Variants in NAV2 observed in about 807,000 individuals in gnomAD.
NAV2 encodes the protein helicase, APC down-regulated 1.
In NAV2, 54 loss-of-function variants were observed where a neutral mutation model predicts 223.2. The ratio of observed to expected loss-of-function variants is 0.24; its 90% CI spans 0.19 to 0.30. The LOEUF is 0.30. Ranked by LOEUF, NAV2 falls within the 10% of genes least tolerant of loss-of-function variation. NAV2 has a pLI of 1.00. For synonymous variants in NAV2, 1,279 were observed against 1,239.3 expected (o/e 1.03, Z -0.67); for missense variants, 2,806 against 3,147.5 (o/e 0.89, Z 2.60).
intron 1 of NAV2, among the ~76,000 whole-genome samples, chr11:19,405,202 T>G (rs747459893): frequency 6.6e-6 from 1 of 152,192 alleles, no homozygotes; most frequent in Non-Finnish European, 1.5e-5. Flanking sequence ...ACCAGGCATA[T>G]GCTCTGCCAA....
At chr11:19,549,750 T>G (rs2044628860) in intron 1 of NAV2, among the ~76,000 whole-genome samples, 1 of 152,196 alleles carries the variant, frequency 6.6e-6, no homozygotes, top group Admixed American at 6.5e-5. Context: ...TGATACAGCG[T>G]AGAGGCCCCA....
intron 1 of NAV2, among the ~76,000 whole-genome samples, chr11:19,390,258 G>C (rs1041194716): frequency 6.6e-6 from 1 of 152,028 alleles, no homozygotes; most frequent in African/African-American, 2.4e-5. Flanking sequence ...CCTCTCTGTG[G>C]CCTTTCATGA....
intron 1 of NAV2, among the ~76,000 whole-genome samples, chr11:19,500,432 A>C (rs2042929195): frequency 6.6e-6 from 1 of 152,224 alleles, no homozygotes; most frequent in African/African-American, 2.4e-5. Flanking sequence ...GTGTGGCAAT[A>C]AAAAGCTGAT....
chr11:20,085,857 T>C (rs2060404104), intron 26 of NAV2, among the ~76,000 whole-genome samples: 1 of 152,116 alleles, frequency 6.6e-6, no homozygotes, highest in Non-Finnish European at 1.5e-5. Flanking sequence ...TGTCGCCTCT[T>C]CCCACAGTCC....
chr11:20,040,483 C>A (rs1203685399), intron 12 of NAV2, among the ~76,000 whole-genome samples: 1 of 152,198 alleles, frequency 6.6e-6, no homozygotes. Flanking sequence ...AGGGCAATGT[C>A]TTCCAAGGTC....
chr11:19,662,534 T>G (rs2048313171), intron 1 of NAV2, among the ~76,000 whole-genome samples: 1 of 152,172 alleles, frequency 6.6e-6, no homozygotes. Flanking sequence ...TCCATGTGGG[T>G]CCCATGCCCC....
chr11:19,593,743 G>A (rs1275767197), intron 1 of NAV2, among the ~76,000 whole-genome samples: 1 of 54,812 alleles, frequency 1.8e-5, no homozygotes, highest in African/African-American at 5.7e-5. Context: ...GCTCTAAAAG[G>A]TATGTAGTGA....
intron 3 of NAV2, among the ~76,000 whole-genome samples, chr11:19,864,622 A>G (rs951651710): frequency 6.6e-6 from 1 of 152,222 alleles, no homozygotes; most frequent in African/African-American, 2.4e-5. Context: ...TATGGGAGAC[A>G]AAGGCTGCAA....
At chr11:20,098,046 G>A (rs752876348) in intron 31 of NAV2, among the ~76,000 whole-genome samples, 1 of 152,146 alleles carries the variant, frequency 6.6e-6, no homozygotes, top group Non-Finnish European at 1.5e-5. Flanking sequence ...TAATACTGAT[G>A]AATTACTCTT....
intron 3 of NAV2, among the ~76,000 whole-genome samples, chr11:19,848,346 C>T (rs1211453698): frequency 6.6e-6 from 1 of 152,214 alleles, no homozygotes; most frequent in Non-Finnish European, 1.5e-5. Flanking sequence ...CATAGCTGCC[C>T]CTTGCAGGAG....
At chr11:19,601,213 G>T (rs1033077574) in intron 1 of NAV2, among the ~76,000 whole-genome samples, 1 of 152,178 alleles carries the variant, frequency 6.6e-6, no homozygotes, top group Admixed American at 6.5e-5. Context: ...TCTGCTCAAA[G>T]TCAGGCCCTA....
At chr11:20,036,209 G>C (rs1013256852) in intron 12 of NAV2, 112 bp downstream of exon 12, 16 of 1,274,608 alleles carry the variant, frequency 1.3e-5, no homozygotes, top group Non-Finnish European at 1.7e-5. Flanking sequence ...AGGTTGATGA[G>C]ATGAGGCCCA....
At chr11:19,773,420 C>T (rs2055879850) in intron 1 of NAV2, among the ~76,000 whole-genome samples, 1 of 152,134 alleles carries the variant, frequency 6.6e-6, no homozygotes, top group South Asian at 2.1e-4. Flanking sequence ...AATGGTCATG[C>T]TCAGGGAGAT....
intron 1 of NAV2, among the ~76,000 whole-genome samples, chr11:19,731,560 G>T (rs943686016): frequency 2.0e-5 from 3 of 152,196 alleles, no homozygotes; most frequent in South Asian, 4.1e-4. Context: ...AGGGGTTGTT[G>T]GGGGGATAGT....
chr11:19,778,047 G>T, intron 1 of NAV2: 1 of 450,132 alleles, frequency 2.2e-6, no homozygotes, highest in South Asian at 1.6e-5. Flanking sequence ...TTTCAAGCTT[G>T]CAAAGAACCA....
At chr11:19,403,048 G>A (rs1849753123) in intron 1 of NAV2, among the ~76,000 whole-genome samples, 1 of 152,158 alleles carries the variant, frequency 6.6e-6, no homozygotes, top group Non-Finnish European at 1.5e-5. Context: ...GTGTGAATTT[G>A]GGGCAACTTA....
At chr11:20,109,709 C>A (rs1254798045) in intron 36 of NAV2, among the ~76,000 whole-genome samples, 1 of 152,202 alleles carries the variant, frequency 6.6e-6, no homozygotes, top group Non-Finnish European at 1.5e-5. Context: ...GGACTGTTTG[C>A]CCCTGATTCC....
chr11:19,765,049 G>A (rs1051321095), intron 1 of NAV2, among the ~76,000 whole-genome samples: 1 of 152,086 alleles, frequency 6.6e-6, no homozygotes, highest in South Asian at 2.1e-4. Context: ...TGACCCTCCT[G>A]CCACCACCCT....
rs902659342 is a variant in NAV2 at position 19,998,988 on chromosome 11, C to T, written c.2768+14741C>T. Among the ~76,000 whole-genome samples the T allele has an allele frequency of 1.3e-5, 2 of 152,246 alleles. No individual in the cohort carries two copies. Among genetic ancestry groups the T allele is most frequent in the Non-Finnish European group, 2.9e-5 (2 of 68,056 alleles). The stretch of plus-strand genomic sequence containing the variant: ...GTGAATCCCCTCTCCCAGCACAGGG[C>T]CCGTCCAGAGAGGGTGCTTATTACA... On this transcript the variant is annotated intron_variant, in intron 11 of 37. Transcript: ENST00000349880. This position sits in a 1 kb window ranked among gnomAD's most constrained non-coding sequence, Gnocchi z 5.0.
Sources: gnomAD v4.1 joint callset for allele counts (sites outside exome capture counted in the v4.1 genomes callset) on GRCh38, gnomAD v4.1.1 for gene constraint, Gnocchi (gnomAD v3.1) non-coding constraint, MANE v1.5 for transcripts, NCBI Gene and HGNC (gene_info 2026-07-23, HGNC 2026-07-21) for gene names.